Variants in UHRF2 observed in about 807,000 individuals in gnomAD.
UHRF2 encodes the protein E3 ubiquitin-protein ligase UHRF2.
UHRF2 carries 23 observed loss-of-function variants against 96.8 expected under a neutral mutation model. The ratio of observed to expected loss-of-function variants is 0.24; its 90% CI spans 0.17 to 0.34. The LOEUF (loss-of-function observed/expected upper bound fraction) is 0.34. UHRF2 is among the 10% of genes least tolerant of loss of function. UHRF2 has a pLI of 1.00. For synonymous variants in UHRF2, 385 were observed against 332.6 expected (o/e 1.16, Z -1.72); for missense variants, 685 against 981.5 (o/e 0.70, Z 4.04).
chr9:6,419,192 CG>C (rs1819781643), intron 1 of UHRF2, among the ~76,000 whole-genome samples: 1 of 152,136 alleles, frequency 6.6e-6, no homozygotes, highest in Admixed American at 6.5e-5. Flanking sequence ...CAACTTAGCT[CG>C]TAACAGTAGG....
chr9:6,458,860 A>G (rs1395480746), intron 3 of UHRF2, among the ~76,000 whole-genome samples: 1 of 152,232 alleles, frequency 6.6e-6, no homozygotes, highest in Non-Finnish European at 1.5e-5. Context: ...AATGTGGCAC[A>G]TATACACCAT....
At chr9:6,495,034 AT>A (rs1291535760) in intron 10 of UHRF2, 1 of 152,230 alleles carries the variant, frequency 6.6e-6, no homozygotes, top group Non-Finnish European at 1.5e-5. Flanking sequence ...GTGTCTTAAA[AT>A]AAATATTTTG....
rs2130801286 is a variant in UHRF2, at chr9:6,445,408, C to T, written c.644+11235C>T. ...CCTCCTGAGTAACGGATTACAGGGGCATTCCACCACATTCGGCTAATTTTG... is the reference window on the plus strand; with the variant it reads ...CCTCCTGAGTAACGGATTACAGGGGTATTCCACCACATTCGGCTAATTTTG... On this transcript the variant is annotated intron_variant, in intron 3 of 15. Transcript: ENST00000276893. Among the ~76,000 whole-genome samples, 5 of 152,188 alleles carry T rather than the reference C, an allele frequency of 3.3e-5. 1 individual carries two copies. The South Asian group carries it at 1.0e-3, about 32-fold the overall frequency.
chr9:6,477,723 C>G lies in UHRF2; in HGVS notation c.1075C>G (p.Gln359Glu). The change falls in exon 6 of 16, where the codon CAG (glutamine) becomes GAG (glutamate). Residue 359 changes from glutamine (Q) to glutamate (E), a missense_variant. Coordinates refer to ENST00000276893, the MANE Select transcript of UHRF2 (RefSeq NM_152896.3). The part of the protein sequence containing the change: ...VCGGKHEPNM[Q>E]LLCDECNVAY... Reference sequence around the variant, plus strand: ...TGGTGGGAAACATGAACCCAACATGCAGCTTCTGTGTGATGAATGTAATGT... The same window carrying G: ...TGGTGGGAAACATGAACCCAACATGGAGCTTCTGTGTGATGAATGTAATGT... 6.2e-7 allele frequency: 1 copy of G among 1,614,082 alleles called. No homozygotes were observed. The highest frequency in any genetic ancestry group is 1.6e-4 in the Middle Eastern group (1 of 6,062).
chr9:6,446,551 C>G (rs1396180458), intron 3 of UHRF2, among the ~76,000 whole-genome samples: 1 of 151,838 alleles, frequency 6.6e-6, no homozygotes, highest in Non-Finnish European at 1.5e-5. Context: ...TCTACATACT[C>G]TTAAATAATA....
rs531246080 is a variant in UHRF2 at position 6,480,135 on chromosome 9, C to T, written c.1161-1508C>T. On this transcript the variant is annotated intron_variant, in intron 6 of 15. Transcript: ENST00000276893. ...ACTTACTAACCTTGGTCTCTACCCA[C>T]CTTTGTCTTCCTCAAAGCATACCAT... Among the ~76,000 whole-genome samples, 40 of 152,312 alleles carry T rather than the reference C, an allele frequency of 2.6e-4. 1 individual carries two copies. The highest frequency in any genetic ancestry group is 9.4e-4 in the African/African-American group (39 of 41,576).
At chr9:6,419,362 G>C (rs1176382240) in intron 1 of UHRF2, among the ~76,000 whole-genome samples, 1 of 152,054 alleles carries the variant, frequency 6.6e-6, no homozygotes, top group Non-Finnish European at 1.5e-5. Flanking sequence ...ATTCTTCCTG[G>C]AAGACTTCTT....
chr9:6,488,587 G>T (rs142165376), intron 9 of UHRF2, among the ~76,000 whole-genome samples: 1 of 114,520 alleles, frequency 8.7e-6, no homozygotes, highest in East Asian at 2.6e-4. Flanking sequence ...TGCCCTTGTC[G>T]CCCAGCTTGG....
In UHRF2 at chr9:6,498,169, A is replaced by AT; in HGVS notation, c.1908+14dup. 6.2e-7 allele frequency: 1 copy of AT among 1,612,226 alleles called. No homozygotes were observed. The highest frequency in any genetic ancestry group is 8.5e-7 in the Non-Finnish European group (1 of 1,179,370). On this transcript the variant is annotated intron_variant, in intron 12 of 15. Coordinates refer to ENST00000276893, the MANE Select transcript of UHRF2 (RefSeq NM_152896.3). ...TGTCTACGTTTACAGGTTAGATTAC[A>AT]TTTGTCTAGGCTGCCTGTGTGTTCA...
chr9:6,490,831 A>G (rs1416727972), intron 9 of UHRF2, among the ~76,000 whole-genome samples: 1 of 152,192 alleles, frequency 6.6e-6, no homozygotes, highest in Non-Finnish European at 1.5e-5. Flanking sequence ...TTGACAGCTA[A>G]AATGTGTCTG....
chr9:6,478,160 C>G (rs1307788252), intron 6 of UHRF2, among the ~76,000 whole-genome samples: 2 of 152,328 alleles, frequency 1.3e-5, no homozygotes, highest in Non-Finnish European at 2.9e-5. Context: ...TACCACTTTC[C>G]TCTTTCATTT....
chr9:6,482,829 C>T (rs1824004498), intron 8 of UHRF2, among the ~76,000 whole-genome samples: 1 of 152,192 alleles, frequency 6.6e-6, no homozygotes, highest in Non-Finnish European at 1.5e-5. Context: ...ATCTCCTAAC[C>T]TCGTGATCCA....
intron 3 of UHRF2, among the ~76,000 whole-genome samples, chr9:6,438,415 A>AT (rs1820976661): frequency 6.6e-6 from 1 of 152,202 alleles, no homozygotes; most frequent in Admixed American, 6.5e-5. Context: ...TCAAAGTCAC[A>AT]TTTTTGTACT....
intron 4 of UHRF2, among the ~76,000 whole-genome samples, chr9:6,462,115 T>C (rs1822579214): frequency 1.3e-5 from 2 of 152,188 alleles, no homozygotes; most frequent in Non-Finnish European, 2.9e-5. Flanking sequence ...AAAGCGAGGA[T>C]AGGCAAGCTT....
rs187550304 is a variant in UHRF2, at chr9:6,415,824, T to G, written c.153+2181T>G. Reference sequence around the variant, plus strand: ...GAATTTAACAAGACCCCACGGGAGATTCTGATAACACCAGAGTTTAGAAAA... The same window carrying G: ...GAATTTAACAAGACCCCACGGGAGAGTCTGATAACACCAGAGTTTAGAAAA... On this transcript the variant is annotated intron_variant, in intron 1 of 15. Coordinates refer to ENST00000276893, the MANE Select transcript of UHRF2 (RefSeq NM_152896.3). Among the ~76,000 whole-genome samples the G allele has an allele frequency of 2.0e-5, 3 of 152,298 alleles. No individual in the cohort carries two copies. The East Asian group carries it at 5.8e-4, about 29-fold the overall frequency.
chr9:6,454,983 G>A (rs561241226), intron 3 of UHRF2, among the ~76,000 whole-genome samples: 1 of 152,280 alleles, frequency 6.6e-6, no homozygotes, highest in African/African-American at 2.4e-5. Context: ...TGATGTTGAT[G>A]CTGCTGATCT....
At chr9:6,490,753 T>C (rs1271103487) in intron 9 of UHRF2, among the ~76,000 whole-genome samples, 1 of 152,240 alleles carries the variant, frequency 6.6e-6, no homozygotes, top group Non-Finnish European at 1.5e-5. Context: ...AACTGCTAAT[T>C]GTCTTAGTTA....
At chr9:6,487,818 T>G (rs1356732314) in intron 9 of UHRF2, among the ~76,000 whole-genome samples, 1 of 152,260 alleles carries the variant, frequency 6.6e-6, no homozygotes, top group Non-Finnish European at 1.5e-5. Flanking sequence ...GAGCTTTTTT[T>G]GGTCATTCTT....
intron 1 of UHRF2, among the ~76,000 whole-genome samples, chr9:6,417,965 A>C (rs899293663): frequency 6.6e-6 from 1 of 152,226 alleles, no homozygotes; most frequent in Non-Finnish European, 1.5e-5. Flanking sequence ...CAGCAGTTTT[A>C]TCACTTTAAC....
Sources: gnomAD v4.1 joint callset for allele counts (sites outside exome capture counted in the v4.1 genomes callset) on GRCh38, gnomAD v4.1.1 for gene constraint, MANE v1.5 for transcripts, NCBI Gene and HGNC (gene_info 2026-07-23, HGNC 2026-07-21) for gene names.